The following FRAS1 variants were observed in gnomAD, a reference collection of about 807,000 sequenced individuals.
FRAS1 encodes Fraser extracellular matrix complex subunit 1.
A neutral mutation model predicts 435.2 loss-of-function variants in FRAS1; 290 were observed. The ratio of observed to expected loss-of-function variants is 0.67; its 90% CI spans 0.61 to 0.73. The LOEUF is 0.73. Ranked by LOEUF, FRAS1 falls within the 30% of genes least tolerant of loss-of-function variation. The pLI, the probability that FRAS1 is intolerant of heterozygous loss-of-function variation, is 0.00. For synonymous variants in FRAS1, 1,800 were observed against 1,851.0 expected, an observed-to-expected ratio of 0.97 and a Z score of 0.71; for missense variants, 4,860 against 5,001.5, an observed-to-expected ratio of 0.97 and a Z score of 0.85.
chr4:78,235,172 C>G (rs1460893606), intron 2 of FRAS1, among the ~76,000 whole-genome samples: 2 of 152,150 alleles, frequency 1.3e-5, no homozygotes, highest in African/African-American at 4.8e-5. Flanking sequence ...GGGTCATCTC[C>G]TTTGCTTAAA....
Position 78,524,485 on chromosome 4 carries a change from T to A in FRAS1, c.10808+1677T>A, listed in dbSNP as rs190402296. 3.3e-3 allele frequency among the ~76,000 whole-genome samples: 509 copies of A among 152,276 alleles called. 5 individuals are homozygous for A. Among genetic ancestry groups the A allele is most frequent in the African/African-American group, 0.011 (473 of 41,554 alleles). On this transcript the variant is annotated intron_variant, in intron 69 of 73. Coordinates refer to ENST00000512123, the MANE Select transcript of FRAS1 (RefSeq NM_025074.7). ...ATGGTCCATGTTGTGATATGGGAAA[T>A]GCTTAGATTCTAGCAAGGAGATTAA...
intron 2 of FRAS1, among the ~76,000 whole-genome samples, chr4:78,153,185 C>A (rs1373886114): frequency 6.6e-6 from 1 of 152,102 alleles, no homozygotes; most frequent in East Asian, 1.9e-4. Flanking sequence ...TTTTGATAGC[C>A]TTCCAGCCTT....
intron 47 of FRAS1, among the ~76,000 whole-genome samples, chr4:78,463,149 G>A (rs569136215): frequency 6.6e-6 from 1 of 152,272 alleles, no homozygotes; most frequent in South Asian, 2.1e-4. Context: ...ACCTGGGTAT[G>A]AGCCCTAGCA....
intron 44 of FRAS1, among the ~76,000 whole-genome samples, chr4:78,449,263 G>A (rs74529786): frequency 0.034 from 5,179 of 152,198 alleles, 261 homozygotes; most frequent in African/African-American, 0.11. Flanking sequence ...AGACACTTTC[G>A]TGTGCAGTAG....
intron 2 of FRAS1, among the ~76,000 whole-genome samples, chr4:78,223,613 C>G (rs928945152): frequency 6.6e-6 from 1 of 151,974 alleles, no homozygotes; most frequent in East Asian, 1.9e-4. Flanking sequence ...ATAGGTACTT[C>G]CATTCCTCTT....
chr4:78,181,471 T>G, intron 2 of FRAS1: 1 of 1,611,836 alleles, frequency 6.2e-7, no homozygotes, highest in Non-Finnish European at 8.5e-7. Context: ...GCCTATCAAA[T>G]TCACGTTTGC....
chr4:78,413,985 T>G (rs1485219924), intron 32 of FRAS1, among the ~76,000 whole-genome samples: 1 of 152,188 alleles, frequency 6.6e-6, no homozygotes, highest in East Asian at 1.9e-4. Flanking sequence ...GTCCACATTT[T>G]AGTTAGCACC....
chr4:78,343,137 A>G (rs1730463812), intron 20 of FRAS1, among the ~76,000 whole-genome samples: 1 of 152,230 alleles, frequency 6.6e-6, no homozygotes, highest in Non-Finnish European at 1.5e-5. Flanking sequence ...CATAAAGGTA[A>G]GCAACTTTCT....
chr4:78,404,823 T>C (rs1292640544), intron 30 of FRAS1, among the ~76,000 whole-genome samples: 3 of 152,222 alleles, frequency 2.0e-5, no homozygotes, highest in East Asian at 3.8e-4. Context: ...GCTACTGTTG[T>C]TACCACTTTT....
At chr4:78,102,350 C>T (rs1742175122) in intron 2 of FRAS1, among the ~76,000 whole-genome samples, 1 of 152,194 alleles carries the variant, frequency 6.6e-6, no homozygotes, top group African/African-American at 2.4e-5. Context: ...ATCTGTCAGA[C>T]AGGTTGTAAC....
chr4:78,489,765 G>A (rs966622586), intron 59 of FRAS1, among the ~76,000 whole-genome samples: 7 of 152,082 alleles, frequency 4.6e-5, no homozygotes, highest in African/African-American at 1.7e-4. Context: ...CTATGTTAGA[G>A]ATGAATATAC....
At position 78,363,602 on chromosome 4, in the gene FRAS1, C is replaced by T. The variant is rs759565416; in HGVS notation, c.2512C>T (p.Leu838Phe). Reference sequence around the variant, plus strand: ...GTGCCAGAATGCCCACTACCTGCTGCTCGGGGACCACTGTGTTCCTGACTG... The same window carrying T: ...GTGCCAGAATGCCCACTACCTGCTGTTCGGGGACCACTGTGTTCCTGACTG... Reference protein sequence around the residue: ...LRCQNAHYLLLGDHCVPDCPS... With the variant: ...LRCQNAHYLLFGDHCVPDCPS... Residue 838 changes from leucine (L) to phenylalanine (F), a missense_variant, in exon 21 of 74, where the codon CTC becomes TTC. Leu to Phe is a conservative substitution (Grantham distance 22). Transcript: ENST00000512123. The T allele has an allele frequency of 8.1e-6, 13 of 1,609,140 alleles. No homozygotes were observed. In the East Asian group the frequency reaches 2.2e-4, roughly 28 times the overall value.
chr4:78,302,929 G>T (rs919258206), intron 14 of FRAS1, among the ~76,000 whole-genome samples: 2 of 152,126 alleles, frequency 1.3e-5, no homozygotes, highest in Admixed American at 6.5e-5. Context: ...TGAAGTCCTT[G>T]CCCATGCCTA....
intron 68 of FRAS1, 137 bp downstream of exon 68, chr4:78,521,767 C>A (rs1386416605): frequency 1.1e-5 from 6 of 566,624 alleles, no homozygotes; most frequent in Non-Finnish European, 1.8e-5. Flanking sequence ...GCACATACAT[C>A]CATCCATACA....
chr4:78,451,956 A>G, intron 46 of FRAS1, 65 bp downstream of exon 46: 7 of 1,494,950 alleles, frequency 4.7e-6, no homozygotes, highest in Non-Finnish European at 6.3e-6. Context: ...TATAGTTTAC[A>G]CTTTGTTCAC....
intron 26 of FRAS1, among the ~76,000 whole-genome samples, chr4:78,378,473 CTG>C (rs1054175743): frequency 3.4e-4 from 51 of 152,196 alleles, no homozygotes; most frequent in African/African-American, 1.2e-3. Flanking sequence ...CCTTTGGTAA[CTG>C]TATTTAATTG....
At chr4:78,307,862 G>A (rs984338540) in intron 14 of FRAS1, among the ~76,000 whole-genome samples, 16 of 152,138 alleles carry the variant, frequency 1.1e-4, no homozygotes, top group African/African-American at 3.4e-4. Context: ...GTTCCTATTC[G>A]GCCATCTTGG....
At chr4:78,385,055 A>C (rs534354450) in intron 28 of FRAS1, among the ~76,000 whole-genome samples, 1 of 152,152 alleles carries the variant, frequency 6.6e-6, no homozygotes, top group Non-Finnish European at 1.5e-5. Flanking sequence ...TGTGGCCATC[A>C]ACAAAACACA....
intron 18 of FRAS1, among the ~76,000 whole-genome samples, chr4:78,321,609 C>T (rs1419627420): frequency 1.3e-5 from 2 of 151,934 alleles, no homozygotes; most frequent in African/African-American, 2.4e-5. Context: ...TTTGGGAGGC[C>T]GAGGCAGGTG....
Sources: gnomAD v4.1 joint callset for allele counts (sites outside exome capture counted in the v4.1 genomes callset) on GRCh38, gnomAD v4.1.1 for gene constraint, MANE v1.5 for transcripts, NCBI Gene and HGNC (gene_info 2026-07-23, HGNC 2026-07-21) for gene names.